The following BMAL1 variants were observed in gnomAD, a reference collection of about 807,000 sequenced individuals.
BMAL1 encodes basic helix-loop-helix ARNT-like protein 1.
At chr11:13,353,612 G>A in the BMAL1 span, 3 of 152,224 alleles carry the variant, frequency 2.0e-5, no homozygotes, top group East Asian at 3.9e-4. Flanking sequence ...GAGGTCCAGA[G>A]TTCAAGACCA....
chr11:13,332,008 A>G, the BMAL1 span, among the ~76,000 whole-genome samples: 1 of 152,166 alleles, frequency 6.6e-6, no homozygotes, highest in Admixed American at 6.5e-5. Context: ...GGAGAGGAAC[A>G]AGCGACGGGG....
chr11:13,363,405 A>ATC, the BMAL1 span, among the ~76,000 whole-genome samples: 1 of 152,070 alleles, frequency 6.6e-6, no homozygotes, highest in Admixed American at 6.5e-5. Flanking sequence ...CTCAAGAGTG[A>ATC]TCTCTCTTGC....
the BMAL1 span, chr11:13,381,330 A>G: frequency 1.4e-6 from 2 of 1,394,614 alleles, no homozygotes; most frequent in Non-Finnish European, 2.0e-6. Context: ...GGGAGTATGG[A>G]ATTGCAACTG....
the BMAL1 span, among the ~76,000 whole-genome samples, chr11:13,278,366 TCC>T: frequency 6.6e-6 from 1 of 152,136 alleles, no homozygotes. Flanking sequence ...CCTAGATGTG[TCC>T]CCGGGAGCTT....
the BMAL1 span, among the ~76,000 whole-genome samples, chr11:13,293,736 C>A: frequency 6.6e-6 from 1 of 152,252 alleles, no homozygotes; most frequent in African/African-American, 2.4e-5. Context: ...GCACATGACA[C>A]ATAGTATGTC....
chr11:13,318,100 C>A, the BMAL1 span, among the ~76,000 whole-genome samples: 55 of 152,372 alleles, frequency 3.6e-4, no homozygotes, highest in Middle Eastern at 3.4e-3. Flanking sequence ...GTTTCTCCAG[C>A]CTGCCTCCGG....
the BMAL1 span, chr11:13,354,207 A>AACCCCCCCCCC: frequency 4.9e-6 from 1 of 205,816 alleles, no homozygotes; most frequent in Non-Finnish European, 7.6e-6. Flanking sequence ...CCGGCCCCCC[A>AACCCCCCCCCC]CCACCAAACC....
At chr11:13,329,693 C>T in the BMAL1 span, among the ~76,000 whole-genome samples, 1 of 152,170 alleles carries the variant, frequency 6.6e-6, no homozygotes, top group African/African-American at 2.4e-5. Context: ...GCCCAGAGGT[C>T]GGGGCAGTTC....
chr11:13,354,224 C>T, the BMAL1 span: 1 of 1,223,942 alleles, frequency 8.2e-7, no homozygotes, highest in Admixed American at 2.6e-5. Flanking sequence ...AACCCCCAAG[C>T]ACCAACCTGG....
chr11:13,277,597 C>G, the BMAL1 span: 2 of 151,888 alleles, frequency 1.3e-5, no homozygotes, highest in Non-Finnish European at 2.9e-5. Flanking sequence ...TGCCGAGCCG[C>G]GCGCGGATTG....
the BMAL1 span, among the ~76,000 whole-genome samples, chr11:13,342,571 A>G: frequency 2.6e-5 from 4 of 152,170 alleles, no homozygotes; most frequent in African/African-American, 9.7e-5. Context: ...CTGCGTTTAA[A>G]GGTCCAAGAA....
the BMAL1 span, among the ~76,000 whole-genome samples, chr11:13,385,133 A>T: frequency 0.05 from 7,622 of 151,946 alleles, 283 homozygotes; most frequent in Middle Eastern, 0.082. Context: ...TGAGTGGGGG[A>T]GATTTTGAGA....
the BMAL1 span, among the ~76,000 whole-genome samples, chr11:13,311,371 G>C: frequency 6.6e-6 from 1 of 152,164 alleles, no homozygotes; most frequent in Non-Finnish European, 1.5e-5. Context: ...ATGGAGGAGA[G>C]TCCCGGGAAG....
the BMAL1 span, among the ~76,000 whole-genome samples, chr11:13,371,792 T>C: frequency 1.3e-5 from 2 of 152,302 alleles, no homozygotes; most frequent in East Asian, 3.9e-4. Context: ...AGGCTGTGCC[T>C]CTGTGCCTGT....
At chr11:13,277,948 A>C in the BMAL1 span, 2 of 151,178 alleles carry the variant, frequency 1.3e-5, no homozygotes, top group South Asian at 4.1e-4. Context: ...GGCGGCGGCC[A>C]GCGACGCGAT....
chr11:13,337,994 GA>G, the BMAL1 span, among the ~76,000 whole-genome samples: 3 of 151,778 alleles, frequency 2.0e-5, no homozygotes, highest in African/African-American at 7.2e-5. Flanking sequence ...TGACTAGCAT[GA>G]AAAAAAAGCC....
the BMAL1 span, among the ~76,000 whole-genome samples, chr11:13,343,314 G>T: frequency 1.4e-4 from 21 of 152,308 alleles, no homozygotes; most frequent in African/African-American, 5.1e-4. Flanking sequence ...CTTTTCAGAT[G>T]GTTCGTGGAT....
the BMAL1 span, chr11:13,354,922 T>C: frequency 4.1e-6 from 1 of 243,774 alleles, no homozygotes; most frequent in Non-Finnish European, 8.1e-6. Context: ...AACATTGATG[T>C]TGTCCTTAAA....
the BMAL1 span, among the ~76,000 whole-genome samples, chr11:13,371,135 T>C: frequency 6.6e-6 from 1 of 152,236 alleles, no homozygotes; most frequent in East Asian, 1.9e-4. Context: ...CTGATTTGTT[T>C]TTCACTCTAT....
Sources: allele counts gnomAD v4.1 joint callset (sites outside exome capture counted in the v4.1 genomes callset), GRCh38; gene constraint gnomAD v4.1.1; transcripts MANE v1.5; gene names NCBI Gene and HGNC (gene_info 2026-07-23, HGNC 2026-07-21).